CEP83: variants seen among roughly 807,000 people sequenced by gnomAD.
CEP83 encodes centrosomal protein of 83 kDa.
CEP83 carries 70 observed loss-of-function variants against 101.9 expected under a neutral mutation model. The observed-to-expected ratio is 0.69, with a 90% CI of 0.57 to 0.84. CEP83 has a LOEUF of 0.84. CEP83 is among the 40% of genes least tolerant of loss of function. The probability of loss-of-function intolerance (pLI) is 0.00; values close to 1 mark genes in which losing one functional copy is unlikely to be tolerated. For missense variants in CEP83, 715 were observed against 787.2 expected, an observed-to-expected ratio of 0.91 and a Z score of 1.10; for synonymous variants, 264 against 267.9, an observed-to-expected ratio of 0.99 and a Z score of 0.14.
chr12:94,458,105 G>C (rs1014959168), intron 1 of CEP83, among the ~76,000 whole-genome samples: 2 of 151,628 alleles, frequency 1.3e-5, no homozygotes, highest in African/African-American at 4.8e-5. Context: ...GCTGAGAGGA[G>C]AGAATCACTT....
intron 6 of CEP83, among the ~76,000 whole-genome samples, chr12:94,379,489 CCTGT>C (rs1326363650): frequency 3.3e-5 from 5 of 152,096 alleles, no homozygotes; most frequent in South Asian, 2.1e-4. Flanking sequence ...ACAAAAACTG[CCTGT>C]CTGTGTACAT....
intron 2 of CEP83, 100 bp from the exon 3 acceptor site, chr12:94,412,691 T>C (rs1331341354): frequency 2.7e-6 from 1 of 366,320 alleles, no homozygotes; most frequent in Non-Finnish European, 4.5e-6. Flanking sequence ...TCTTTTTTTT[T>C]TCTTTTTTTT....
chr12:94,420,955 T>G (rs1314456826), intron 2 of CEP83, among the ~76,000 whole-genome samples: 1 of 152,132 alleles, frequency 6.6e-6, no homozygotes, highest in Non-Finnish European at 1.5e-5. Context: ...ACTTCTTGAT[T>G]TTTGTGGATA....
At chr12:94,296,377 G>C in the CEP83 span, among the ~76,000 whole-genome samples, 1 of 152,112 alleles carries the variant, frequency 6.6e-6, no homozygotes, top group Admixed American at 6.5e-5. Context: ...GTCCAGGCTG[G>C]TCTTGAAATC....
intron 1 of CEP83, among the ~76,000 whole-genome samples, chr12:94,446,649 A>G (rs1321016782): frequency 6.6e-6 from 1 of 152,144 alleles, no homozygotes; most frequent in Non-Finnish European, 1.5e-5. Flanking sequence ...TGGAAGCTGC[A>G]CTAAGCTGAG....
intron 12 of CEP83, 85 bp downstream of exon 12, chr12:94,335,504 T>A: frequency 1.2e-6 from 1 of 812,566 alleles, no homozygotes; most frequent in Non-Finnish European, 2.0e-6. Context: ...AAAATACTGA[T>A]GGCAAAATTT....
chr12:94,275,582 G>A, the CEP83 span, among the ~76,000 whole-genome samples: 6 of 86,162 alleles, frequency 7.0e-5, 1 homozygote, highest in East Asian at 3.3e-4. Context: ...GGCCGGGCGC[G>A]GTGGCTCACG....
the CEP83 span, among the ~76,000 whole-genome samples, chr12:94,279,019 C>T: frequency 6.6e-6 from 1 of 151,390 alleles, no homozygotes; most frequent in Non-Finnish European, 1.5e-5. Context: ...TGACCTCTGG[C>T]ATGGTCAATA....
chr12:94,310,715 T>C (rs1288598845), intron 15 of CEP83, among the ~76,000 whole-genome samples: 1 of 152,220 alleles, frequency 6.6e-6, no homozygotes, highest in Non-Finnish European at 1.5e-5. Context: ...AAGGGTCAAG[T>C]GTAAAGAAAA....
At position 94,335,575 on chromosome 12, in the gene CEP83, C is replaced by T. The variant is rs373203051; in HGVS notation, c.1419+14G>A. On this transcript the variant is annotated intron_variant, in intron 12 of 16. Transcript: ENST00000397809. ...CTTGAAAAAATAAAAGGAAAATCTT[C>T]GCTAAAATCATACCTGTTTTAGGTC... is the stretch of plus-strand genomic sequence containing the variant. 74 of 1,493,640 alleles carry T rather than the reference C, an allele frequency of 5.0e-5. No homozygotes were observed. Among genetic ancestry groups the T allele is most frequent in the Middle Eastern group, 1.8e-4 (1 of 5,602 alleles). 92.5% of individuals were successfully genotyped at this position (1,493,640 alleles called of 1,614,324 possible).
At chr12:94,343,590 C>T (rs574085913) in intron 11 of CEP83, among the ~76,000 whole-genome samples, 11 of 147,224 alleles carry the variant, frequency 7.5e-5, no homozygotes, top group South Asian at 2.2e-4. Flanking sequence ...CCCGGGTTCA[C>T]GCCATTCTCC....
the CEP83 span, among the ~76,000 whole-genome samples, chr12:94,289,021 A>G: frequency 3.9e-5 from 6 of 152,320 alleles, 1 homozygote; most frequent in African/African-American, 1.4e-4. Context: ...AGCCATATGA[A>G]ATTGTCAATA....
chr12:94,367,364 G>C (rs1012992076), intron 11 of CEP83, among the ~76,000 whole-genome samples: 6 of 152,092 alleles, frequency 3.9e-5, no homozygotes, highest in Non-Finnish European at 5.9e-5. Flanking sequence ...GAGGACACAT[G>C]ACTTTGATGT....
At chr12:94,373,240 T>C (rs925686215) in intron 8 of CEP83, among the ~76,000 whole-genome samples, 3 of 152,206 alleles carry the variant, frequency 2.0e-5, no homozygotes, top group African/African-American at 2.4e-5. Context: ...ATGTTTGCCA[T>C]ATAGATTCTG....
At chr12:94,377,829 G>C (rs2061631127) in intron 7 of CEP83, among the ~76,000 whole-genome samples, 1 of 152,178 alleles carries the variant, frequency 6.6e-6, no homozygotes, top group Non-Finnish European at 1.5e-5. Context: ...TGGAAGGATG[G>C]CAACATAAAT....
chr12:94,420,517 C>T (rs535395184), intron 2 of CEP83, among the ~76,000 whole-genome samples: 3 of 152,282 alleles, frequency 2.0e-5, no homozygotes, highest in East Asian at 1.9e-4. Flanking sequence ...TGGCTTTGAA[C>T]GCAGCCCAAT....
rs537044386 is a variant in CEP83, at chr12:94,380,087, A to C, written c.550-1045T>G. On this transcript the variant is annotated intron_variant, in intron 6 of 16. Coordinates refer to ENST00000397809, the MANE Select transcript of CEP83 (RefSeq NM_016122.3). ...CCGGCCCTGCAAAAAAAAAAAAAAA[A>C]AAACAAAAAACAAAAACAGAAAAAA... Among the ~76,000 whole-genome samples, 21 of 125,160 alleles carry C rather than the reference A, an allele frequency of 1.7e-4. No individual in the cohort carries two copies. The South Asian group carries it at 4.3e-3, about 25-fold the overall frequency. 82.1% of individuals were successfully genotyped at this position (125,160 alleles called of 152,430 possible).
At chr12:94,325,326 C>A (rs1338936592) in intron 14 of CEP83, among the ~76,000 whole-genome samples, 1 of 152,184 alleles carries the variant, frequency 6.6e-6, no homozygotes, top group African/African-American at 2.4e-5. Flanking sequence ...GCACCCGCCA[C>A]CATGCCCGGC....
At chr12:94,313,654 T>C (rs574046811) in intron 14 of CEP83, among the ~76,000 whole-genome samples, 2 of 151,372 alleles carry the variant, frequency 1.3e-5, no homozygotes, top group South Asian at 4.2e-4. Flanking sequence ...CTGACCAACA[T>C]GGTAAAACCC....
Sources: allele counts gnomAD v4.1 joint callset (sites outside exome capture counted in the v4.1 genomes callset), GRCh38; gene constraint gnomAD v4.1.1; transcripts MANE v1.5; gene names NCBI Gene and HGNC (gene_info 2026-07-23, HGNC 2026-07-21).